The following MAP3K5 variants were observed in gnomAD, a reference collection of about 807,000 sequenced individuals.
MAP3K5 encodes ASK-1.
MAP3K5 carries 56 observed loss-of-function variants against 158.7 expected under a neutral mutation model. The ratio of observed to expected loss-of-function variants is 0.35; its 90% CI spans 0.28 to 0.44. The LOEUF (loss-of-function observed/expected upper bound fraction) is 0.44, where lower values mean the gene tolerates loss of function less well. MAP3K5 is among the 20% of genes least tolerant of loss of function. MAP3K5 has a pLI of 1.00. For missense variants in MAP3K5, 1,294 were observed against 1,674.8 expected (o/e 0.77, Z 3.97); for synonymous variants, 579 against 601.7 (o/e 0.96, Z 0.55).
chr6:136,669,451 T>A (rs1052083556), intron 7 of MAP3K5, 56 bp from the exon 8 acceptor site: 36 of 973,674 alleles, frequency 3.7e-5, no homozygotes, highest in Non-Finnish European at 5.1e-5. Context: ...ACCCTGGGTG[T>A]GTAATAGCTT....
intron 1 of MAP3K5, among the ~76,000 whole-genome samples, chr6:136,758,322 T>A (rs542550857): frequency 6.6e-6 from 1 of 152,262 alleles, no homozygotes; most frequent in Non-Finnish European, 1.5e-5. Flanking sequence ...TTATTTTGAC[T>A]AATTTTTATC....
chr6:136,625,576 T>C (rs1364541674), intron 14 of MAP3K5, among the ~76,000 whole-genome samples: 1 of 152,216 alleles, frequency 6.6e-6, no homozygotes, highest in East Asian at 1.9e-4. Context: ...CCACAGCTGA[T>C]CCTGGTGCTG....
At chr6:136,607,495 C>A (rs767346453) in intron 18 of MAP3K5, among the ~76,000 whole-genome samples, 3 of 152,150 alleles carry the variant, frequency 2.0e-5, no homozygotes, top group Non-Finnish European at 4.4e-5. Flanking sequence ...ATATTTTAAA[C>A]AAAGCAATTT....
intron 7 of MAP3K5, among the ~76,000 whole-genome samples, chr6:136,690,657 T>G (rs1461827899): frequency 6.6e-6 from 1 of 152,236 alleles, no homozygotes; most frequent in Non-Finnish European, 1.5e-5. Context: ...TATGCATTTT[T>G]TAATCTCTTT....
chr6:136,717,812 T>C (rs1781589166), intron 2 of MAP3K5, among the ~76,000 whole-genome samples: 1 of 152,160 alleles, frequency 6.6e-6, no homozygotes, highest in South Asian at 2.1e-4. Context: ...ATCCCAGATA[T>C]TTCTGTCCTC....
chr6:136,751,086 C>T (rs771190139), intron 1 of MAP3K5, among the ~76,000 whole-genome samples: 1 of 151,092 alleles, frequency 6.6e-6, no homozygotes, highest in African/African-American at 2.4e-5. Context: ...CATTCTTTTG[C>T]TCTAATGCAG....
chr6:136,760,406 C>G (rs1562682137), intron 1 of MAP3K5, among the ~76,000 whole-genome samples: 1 of 151,912 alleles, frequency 6.6e-6, no homozygotes. Context: ...AAAGAAAAGG[C>G]AAAAGATTTT....
intron 1 of MAP3K5, among the ~76,000 whole-genome samples, chr6:136,755,579 T>C (rs1783438951): frequency 1.3e-5 from 2 of 150,606 alleles, no homozygotes; most frequent in African/African-American, 4.9e-5. Flanking sequence ...TAGCTGGGCA[T>C]GGTGGCACAC....
chr6:136,592,049 G>T, intron 23 of MAP3K5, 124 bp downstream of exon 23: 1 of 757,806 alleles, frequency 1.3e-6, no homozygotes, highest in Non-Finnish European at 2.0e-6. Flanking sequence ...TGTGGGGTAG[G>T]TTTATCATGA....
chr6:136,580,549 G>A (rs561596649), intron 24 of MAP3K5, 143 bp from the exon 25 acceptor site: 2 of 529,598 alleles, frequency 3.8e-6, no homozygotes, highest in South Asian at 6.0e-5. Context: ...TATGTCATTG[G>A]AAAACAAAGT....
chr6:136,722,640 T>G (rs1781790196), intron 1 of MAP3K5, among the ~76,000 whole-genome samples: 1 of 150,672 alleles, frequency 6.6e-6, no homozygotes, highest in South Asian at 2.1e-4. Flanking sequence ...TTTTATGCTG[T>G]GGGAAGTGTA....
intron 1 of MAP3K5, among the ~76,000 whole-genome samples, chr6:136,729,303 CA>C (rs1782105243): frequency 6.6e-6 from 1 of 152,084 alleles, no homozygotes; most frequent in Non-Finnish European, 1.5e-5. Flanking sequence ...GTTTGAATCC[CA>C]GTTGTGTTTC....
At chr6:136,641,775 G>A (rs1269191213) in intron 12 of MAP3K5, among the ~76,000 whole-genome samples, 1 of 151,406 alleles carries the variant, frequency 6.6e-6, no homozygotes, top group Admixed American at 6.6e-5. Context: ...GATCACTGAG[G>A]TCAGGAGTTT....
intron 10 of MAP3K5, among the ~76,000 whole-genome samples, chr6:136,652,657 C>T (rs1778571088): frequency 6.6e-6 from 1 of 152,170 alleles, no homozygotes; most frequent in Non-Finnish European, 1.5e-5. Flanking sequence ...ATTATGTGGG[C>T]ACACTATTAT....
chr6:136,737,601 G>C (rs919261573), intron 1 of MAP3K5, among the ~76,000 whole-genome samples: 1 of 152,126 alleles, frequency 6.6e-6, no homozygotes, highest in South Asian at 2.1e-4. Flanking sequence ...AGGAGGCTCC[G>C]GTTTCTTCGC....
chr6:136,628,260 C>G (rs1446173259), intron 14 of MAP3K5, among the ~76,000 whole-genome samples: 2 of 152,080 alleles, frequency 1.3e-5, no homozygotes, highest in African/African-American at 4.8e-5. Flanking sequence ...TTCAGGTGTA[C>G]AGCACTATGT....
rs754475410 is a variant in MAP3K5 at position 136,697,243 on chromosome 6, C to T, written c.951G>A (p.Leu317=). 1.8e-5 allele frequency: 29 copies of T among 1,612,728 alleles called. No homozygotes were observed. Among genetic ancestry groups the T allele is most frequent in the Non-Finnish European group, 2.4e-5 (28 of 1,179,436 alleles). ...CCTGGATATCTCTGTAGGAAAGTAA[C>T]AGATTTATGACAATATCTGCTGTCA... The part of the protein sequence containing the change: ...EVLTADIVIN[L]LLSYRDIQDY... The change falls in exon 5 of 30, where the codon CTG becomes CTA. Residue 317 remains leucine, a synonymous_variant. Coordinates refer to ENST00000359015, the MANE Select transcript of MAP3K5 (RefSeq NM_005923.4).
At chr6:136,680,356 C>T (rs1182617177) in intron 7 of MAP3K5, among the ~76,000 whole-genome samples, 1 of 152,124 alleles carries the variant, frequency 6.6e-6, no homozygotes, top group South Asian at 2.1e-4. Context: ...ATATATTTTA[C>T]CACCAAATTT....
intron 19 of MAP3K5, among the ~76,000 whole-genome samples, chr6:136,604,032 G>C (rs1335356219): frequency 6.6e-6 from 1 of 152,134 alleles, no homozygotes; most frequent in African/African-American, 2.4e-5. Context: ...ACCATCAAAA[G>C]TCCTCTCAGG....
Sources: gnomAD v4.1 joint callset for allele counts (sites outside exome capture counted in the v4.1 genomes callset) on GRCh38, gnomAD v4.1.1 for gene constraint, MANE v1.5 for transcripts, NCBI Gene and HGNC (gene_info 2026-07-23, HGNC 2026-07-21) for gene names.